NSD2: variants seen among roughly 807,000 people sequenced by gnomAD.
The protein encoded by NSD2 is nuclear receptor binding SET domain protein 2.
Under a neutral mutation model 139.0 loss-of-function variants are expected in NSD2, and 12 were observed. The ratio of observed to expected loss-of-function variants is 0.09; its 90% confidence interval spans 0.06 to 0.14. The LOEUF (loss-of-function observed/expected upper bound fraction) is 0.14. Among genes scored for constraint, NSD2 ranks in the 10% least tolerant of loss-of-function variants. The probability of loss-of-function intolerance (pLI) is 1.00; values close to 1 mark genes in which losing one functional copy is unlikely to be tolerated. For synonymous variants in NSD2, 669 were observed against 648.7 expected, an observed-to-expected ratio of 1.03 and a Z score of -0.48; for missense variants, 1,155 against 1,745.0, an observed-to-expected ratio of 0.66 and a Z score of 6.02.
chr4:1,960,676 T>G (rs1403375662), intron 17 of NSD2, among the ~76,000 whole-genome samples: 1 of 152,214 alleles, frequency 6.6e-6, no homozygotes, highest in Non-Finnish European at 1.5e-5. Flanking sequence ...GACTCTTGCT[T>G]TACATCCTGT....
At chr4:1,874,413 C>T (rs1362531650) in intron 1 of NSD2, among the ~76,000 whole-genome samples, 1 of 152,150 alleles carries the variant, frequency 6.6e-6, no homozygotes, top group Non-Finnish European at 1.5e-5. Flanking sequence ...TGACCTTTCT[C>T]CCCTGTTGGG....
chr4:1,919,777 C>T (rs1352955210), intron 5 of NSD2, among the ~76,000 whole-genome samples: 2 of 150,860 alleles, frequency 1.3e-5, no homozygotes, highest in Middle Eastern at 3.4e-3. Context: ...ACTAAAAATA[C>T]AAAAAAAAAT....
intron 9 of NSD2, chr4:1,940,584 G>A: frequency 9.4e-7 from 1 of 1,063,884 alleles, no homozygotes; most frequent in Non-Finnish European, 1.1e-6. Flanking sequence ...TTAATTTCTT[G>A]TTATTTGGTT....
Position 1,916,240 on chromosome 4 carries a change from A to T in NSD2, c.761-631A>T, listed in dbSNP as rs1281305963. Among the ~76,000 whole-genome samples the T allele has an allele frequency of 3.3e-5, 5 of 150,584 alleles. No homozygotes were observed. In the East Asian group the frequency reaches 7.8e-4, roughly 24 times the overall value. The stretch of plus-strand genomic sequence containing the variant: ...TACTGCCTCCTTCACTGCCTCTCTC[A>T]CTCCTTTCTTGCACATGTCCTCTTG... On this transcript the variant is annotated intron_variant, in intron 3 of 21. Transcript: ENST00000508803.
intron 1 of NSD2, among the ~76,000 whole-genome samples, chr4:1,891,619 G>C (rs1374153945): frequency 6.6e-6 from 1 of 152,134 alleles, no homozygotes; most frequent in African/African-American, 2.4e-5. Flanking sequence ...TTGGGAGGCT[G>C]AGGCGGGCAG....
chr4:1,924,812 A>G (rs1720642893), intron 5 of NSD2, among the ~76,000 whole-genome samples: 1 of 152,028 alleles, frequency 6.6e-6, no homozygotes, highest in Admixed American at 6.5e-5. Flanking sequence ...TTGTAGTCTT[A>G]GTTACTCAGG....
chr4:1,962,900 G>T (rs1468637453), intron 18 of NSD2, among the ~76,000 whole-genome samples: 1 of 152,078 alleles, frequency 6.6e-6, no homozygotes, highest in South Asian at 2.1e-4. Flanking sequence ...GGTGGGTAGC[G>T]CTTCCTCCTA....
In NSD2 at chr4:1,978,902, G is replaced by A; in HGVS notation, c.4091G>A (p.Gly1364Asp). 1 of 1,535,328 alleles carries A rather than the reference G, an allele frequency of 6.5e-7. No homozygotes were observed. The highest frequency in any genetic ancestry group is 8.8e-7 in the Non-Finnish European group (1 of 1,139,352). ...RRRGWRRVTE[G>D]K is the part of the protein sequence containing the mutation. ...AGGGGCTGGCGGAGAGTCACAGAGG[G>A]CAAATAGCGCCAGGCGGCCGCTTGG... Residue 1364 changes from glycine to aspartate, a missense_variant, in exon 22 of 22, where the codon GGC becomes GAC. Around this residue, in one of 8 missense-constraint regions of NSD2, gnomAD observed 132 missense variants for 94.3 expected, o/e 1.40. Coordinates refer to ENST00000508803, the MANE Select transcript of NSD2 (RefSeq NM_001042424.3).
chr4:1,906,130 G>A (rs1717865134), intron 3 of NSD2, among the ~76,000 whole-genome samples: 1 of 152,150 alleles, frequency 6.6e-6, no homozygotes, highest in Non-Finnish European at 1.5e-5. Flanking sequence ...AGTGTCTGGG[G>A]ATATTTACTT....
intron 6 of NSD2, among the ~76,000 whole-genome samples, chr4:1,933,361 C>T (rs1427464502): frequency 6.6e-6 from 1 of 152,188 alleles, no homozygotes; most frequent in Non-Finnish European, 1.5e-5. Context: ...GTGACAGCGT[C>T]CTTCAGGGCA....
intron 4 of NSD2, 84 bp downstream of exon 4, chr4:1,917,121 T>G: frequency 7.8e-7 from 1 of 1,286,892 alleles, no homozygotes; most frequent in South Asian, 1.7e-5. Flanking sequence ...TTTGAACTTA[T>G]ACTTGCTCGA....
intron 9 of NSD2, chr4:1,945,500 CA>C (rs758152260): frequency 9.4e-7 from 1 of 1,063,666 alleles, no homozygotes; most frequent in Non-Finnish European, 1.1e-6. Context: ...GTTCCAAAAC[CA>C]AAAAAAGTGC....
chr4:1,952,305 G>A, intron 11 of NSD2, 74 bp downstream of exon 11: 1 of 1,586,708 alleles, frequency 6.3e-7, no homozygotes, highest in South Asian at 1.2e-5. Context: ...ACCAAGTCCT[G>A]CCCTGAGCTG....
chr4:1,943,194 C>G, intron 9 of NSD2: 1 of 1,041,544 alleles, frequency 9.6e-7, no homozygotes, highest in Non-Finnish European at 1.2e-6. Flanking sequence ...AAAAGGCTTA[C>G]TTGCCCTTCA....
rs1395057653 is a variant in NSD2, at chr4:1,939,813, G to A, written c.1881+35G>A. The A allele has an allele frequency of 1.9e-6, 3 of 1,613,732 alleles. No homozygotes were observed. In the African/African-American group the frequency reaches 4.0e-5, roughly 22 times the overall value. ...TAATAATAACGATAACCATGGCATTGGTATGAAGGCCATTTAGCTGCCCAC... is the reference window on the plus strand; with the variant it reads ...TAATAATAACGATAACCATGGCATTAGTATGAAGGCCATTTAGCTGCCCAC... On this transcript the variant is annotated intron_variant, in intron 9 of 21. Coordinates refer to ENST00000508803, the MANE Select transcript of NSD2 (RefSeq NM_001042424.3).
chr4:1,879,542 G>A (rs1714549599), intron 1 of NSD2, among the ~76,000 whole-genome samples: 1 of 151,954 alleles, frequency 6.6e-6, no homozygotes, highest in African/African-American at 2.4e-5. Context: ...TAAAAAATGT[G>A]TATTTTTTCT....
Position 1,938,475 on chromosome 4 carries a change from G to T in NSD2, c.1699G>T (p.Ala567Ser), listed in dbSNP as rs1722721788. 1 of 1,509,230 alleles carries T rather than the reference G, an allele frequency of 6.6e-7. No homozygotes were observed. The highest frequency in any genetic ancestry group is 8.9e-7 in the Non-Finnish European group (1 of 1,123,622). 93.5% of individuals were successfully genotyped at this position (1,509,230 alleles called of 1,614,324 possible). A position where few individuals can be genotyped will look rare whatever the true frequency, so the allele number is the denominator to read the frequency against. The change falls in exon 8 of 22, where the codon GCC becomes TCC. Residue 567 changes from alanine to serine, a missense_variant. Transcript: ENST00000508803. ...GAGAGACACAATCACTGACAAAACG[G>T]CCAGAACAAGCTCTTACAAGGCCAT... ...RKRDTITDKT[A>S]RTSSYKAMEA...
intron 1 of NSD2, among the ~76,000 whole-genome samples, chr4:1,875,307 G>C (rs1714169072): frequency 6.7e-6 from 1 of 149,832 alleles, no homozygotes; most frequent in Non-Finnish European, 1.5e-5. Flanking sequence ...TTTGGGACAG[G>C]GTTTTGCTGT....
At position 1,917,046 on chromosome 4, in the gene NSD2, T is replaced by C; in HGVS notation, c.927+9T>C. 1 of 1,600,752 alleles carries C rather than the reference T, an allele frequency of 6.2e-7. No individual in the cohort carries two copies. On this transcript the variant is annotated intron_variant, in intron 4 of 21. Transcript: ENST00000508803. Reference sequence around the variant, plus strand: ...AAGCTGAGAAAATTAAGGTGATAGATGACCCTTCAGTCTACTTTTAGACCA... The same window carrying C: ...AAGCTGAGAAAATTAAGGTGATAGACGACCCTTCAGTCTACTTTTAGACCA...
Sources: allele counts gnomAD v4.1 joint callset (sites outside exome capture counted in the v4.1 genomes callset), GRCh38; gene constraint gnomAD v4.1.1; regional missense constraint gnomAD v4.1.1; transcripts MANE v1.5; gene names NCBI Gene and HGNC (gene_info 2026-07-23, HGNC 2026-07-21).